The following SLC15A2 variants were observed in gnomAD, a reference collection of about 807,000 sequenced individuals.
The protein encoded by SLC15A2 is kidney H(+)/peptide cotransporter.
In SLC15A2, 77 loss-of-function variants were observed where a neutral mutation model predicts 95.5. The observed-to-expected ratio is 0.81, with a 90% confidence interval of 0.67 to 0.97. The LOEUF is 0.97. Ranked by LOEUF, SLC15A2 falls within the 50% of genes least tolerant of loss-of-function variation. The probability of loss-of-function intolerance (pLI) is 0.00; values close to 1 mark genes in which losing one functional copy is unlikely to be tolerated. For missense variants in SLC15A2, 893 were observed against 874.4 expected (o/e 1.02, Z -0.27); for synonymous variants, 306 against 306.9 (o/e 1.00, Z 0.03).
chr3:121,900,966 ATATAT>A (rs1274001594), intron 3 of SLC15A2, among the ~76,000 whole-genome samples: 5 of 149,644 alleles, frequency 3.3e-5, no homozygotes, highest in African/African-American at 9.8e-5. Flanking sequence ...CCAGTCATTT[ATATAT>A]TATATGAATG....
chr3:121,925,409 TG>T (rs1248015419), intron 13 of SLC15A2, among the ~76,000 whole-genome samples: 3 of 152,134 alleles, frequency 2.0e-5, no homozygotes, highest in Non-Finnish European at 2.9e-5. Flanking sequence ...AATCTCCTGT[TG>T]TCCCTACAAA....
At chr3:121,897,807 T>C (rs1315577546) in intron 3 of SLC15A2, among the ~76,000 whole-genome samples, 1 of 152,228 alleles carries the variant, frequency 6.6e-6, no homozygotes, top group Non-Finnish European at 1.5e-5. Context: ...TTCCATTCCA[T>C]AGTTTAATAT....
intron 13 of SLC15A2, 181 bp from the exon 14 acceptor site, chr3:121,927,577 T>A (rs1710146086): frequency 7.6e-6 from 4 of 529,302 alleles, no homozygotes; most frequent in Non-Finnish European, 1.4e-5. Context: ...GTGCTTCCTG[T>A]AAAGCTACAG....
intron 19 of SLC15A2, among the ~76,000 whole-genome samples, chr3:121,938,486 G>A (rs371266781): frequency 1.6e-4 from 25 of 152,282 alleles, no homozygotes; most frequent in African/African-American, 4.6e-4. Flanking sequence ...TTTTAAGCCC[G>A]TCGGAAAAGC....
rs565215736 is a variant in SLC15A2 at position 121,918,689 on chromosome 3, T to C, written c.697+2996T>C. 9.2e-5 allele frequency among the ~76,000 whole-genome samples: 14 copies of C among 152,294 alleles called. No homozygotes were observed. In the South Asian group the frequency reaches 2.9e-3, roughly 32 times the overall value. On this transcript the variant is annotated intron_variant, in intron 7 of 21. Transcript: ENST00000489711. ...AATGGCCAAAGTGGTAATAGCGTTA[T>C]CTTGGATATGAAGAAGATTTCAAGA...
intron 3 of SLC15A2, among the ~76,000 whole-genome samples, chr3:121,898,925 T>C (rs1709472201): frequency 6.6e-6 from 1 of 152,166 alleles, no homozygotes; most frequent in Non-Finnish European, 1.5e-5. Flanking sequence ...TACTGAACAG[T>C]TTCTTGACTT....
chr3:121,919,488 G>A (rs1040738143), intron 7 of SLC15A2, among the ~76,000 whole-genome samples: 1 of 152,286 alleles, frequency 6.6e-6, no homozygotes, highest in African/African-American at 2.4e-5. Flanking sequence ...TTGAATGGGG[G>A]AGTACATGCT....
At chr3:121,902,083 G>A (rs1425690405) in intron 3 of SLC15A2, among the ~76,000 whole-genome samples, 1 of 152,194 alleles carries the variant, frequency 6.6e-6, no homozygotes, top group East Asian at 1.9e-4. Context: ...CCCTATGCCA[G>A]GAAAGAAGTG....
chr3:121,903,354 A>G (rs923100610), intron 3 of SLC15A2, among the ~76,000 whole-genome samples: 8 of 152,174 alleles, frequency 5.3e-5, no homozygotes, highest in Non-Finnish European at 1.2e-4. Flanking sequence ...CTTTAATTTA[A>G]TTAGATCCCA....
intron 12 of SLC15A2, 64 bp from the exon 13 acceptor site, chr3:121,924,881 T>G: frequency 8.8e-7 from 1 of 1,131,374 alleles, no homozygotes; most frequent in Non-Finnish European, 1.4e-6. Flanking sequence ...AGCAAATGAG[T>G]GCAGTGCTCA....
chr3:121,924,165 C>A (rs191258897), intron 11 of SLC15A2, among the ~76,000 whole-genome samples, 186 bp from the exon 12 acceptor site: 13 of 152,294 alleles, frequency 8.5e-5, no homozygotes. Flanking sequence ...TAGCCAGAAG[C>A]TTTCCCAAGT....
Position 121,928,559 on chromosome 3 carries a change from A to C in SLC15A2, c.1341+4A>C. 1 of 1,613,616 alleles carries C rather than the reference A, an allele frequency of 6.2e-7. No individual in the cohort carries two copies. Among genetic ancestry groups the C allele is most frequent in the Non-Finnish European group, 8.5e-7 (1 of 1,179,678 alleles). ...AGAGTCCATCAAATCCTTTCAGGTG[A>C]GGTGTGTACCTGAATGAATTAGAAA... is the stretch of plus-strand genomic sequence containing the variant. On this transcript the variant is annotated splice_donor_region_variant and intron_variant, in intron 15 of 21. Transcript: ENST00000489711.
chr3:121,936,663 C>A (rs1253960084), intron 19 of SLC15A2, among the ~76,000 whole-genome samples: 1 of 151,376 alleles, frequency 6.6e-6, no homozygotes, highest in Non-Finnish European at 1.5e-5. Context: ...TGTGTCTCTG[C>A]ACGTGAGATG....
intron 17 of SLC15A2, among the ~76,000 whole-genome samples, chr3:121,930,085 A>G (rs971803799): frequency 3.9e-5 from 6 of 152,276 alleles, no homozygotes; most frequent in Non-Finnish European, 5.9e-5. Context: ...GTGAGGTCAG[A>G]GAGCCATGGG....
rs915610844 is a variant in SLC15A2 at position 121,907,780 on chromosome 3, T to C, written c.336-3794T>C. ...AGAGGGACACCCGCCTGTAATGAAG[T>C]GTCAGTTGGTCCCCACTGAGAGGTG... On this transcript the variant is annotated intron_variant, in intron 3 of 21. Coordinates refer to ENST00000489711, the MANE Select transcript of SLC15A2 (RefSeq NM_021082.4). Among the ~76,000 whole-genome samples, 4 of 152,168 alleles carry C rather than the reference T, an allele frequency of 2.6e-5. No homozygotes were observed. The East Asian group carries it at 7.7e-4, about 29-fold the overall frequency.
Position 121,913,070 on chromosome 3 carries a change from A to C in SLC15A2, c.478A>C (p.Ile160Leu). 1 of 1,614,008 alleles carries C rather than the reference A, an allele frequency of 6.2e-7. No individual in the cohort carries two copies. Among genetic ancestry groups the C allele is most frequent in the Non-Finnish European group, 8.5e-7 (1 of 1,179,910 alleles). The stretch of plus-strand genomic sequence containing the variant: ...TCTAATAGCTTTGGGGACAGGAGGC[A>C]TCAAACCCTGTGTGGCAGCTTTTGG... ...LSLIALGTGG[I>L]KPCVAAFGGD... is the part of the protein sequence containing the mutation. Residue 160 changes from isoleucine (I) to leucine (L), a missense_variant, in exon 5 of 22, where the codon ATC becomes CTC. Ile to Leu is a conservative substitution (Grantham distance 5). Coordinates refer to ENST00000489711, the MANE Select transcript of SLC15A2 (RefSeq NM_021082.4).
intron 5 of SLC15A2, 115 bp from the exon 6 acceptor site, chr3:121,915,112 G>C: frequency 3.7e-6 from 4 of 1,089,402 alleles, no homozygotes; most frequent in Non-Finnish European, 5.2e-6. Context: ...CAGGTATTGT[G>C]GAGGCAATAT....
Position 121,942,922 on chromosome 3 carries a change from C to G in SLC15A2, c.*1915C>G, listed in dbSNP as rs1015287199. Reference sequence around the variant, plus strand: ...CTTCCTTGTAAGTGCTGAGCTTCCTCTCTGAAACCTCCTACCATTGTTTTT... The same window carrying G: ...CTTCCTTGTAAGTGCTGAGCTTCCTGTCTGAAACCTCCTACCATTGTTTTT... On this transcript the variant is annotated 3_prime_UTR_variant, in exon 22 of 22. Coordinates refer to ENST00000489711, the MANE Select transcript of SLC15A2 (RefSeq NM_021082.4). 6.6e-6 allele frequency: 1 copy of G among 152,246 alleles called. No individual in the cohort carries two copies. Among genetic ancestry groups the G allele is most frequent in the Admixed American group, 6.5e-5 (1 of 15,282 alleles). The allele number at this position is 152,246 out of a possible 1,614,324, so 9.4% of individuals were successfully genotyped here.
chr3:121,931,778 A>G (rs766302168), intron 19 of SLC15A2, 43 bp downstream of exon 19: 2 of 1,157,162 alleles, frequency 1.7e-6, no homozygotes, highest in East Asian at 2.3e-5. Flanking sequence ...CTCCATATAC[A>G]TATATCTCCT....
Sources: gnomAD v4.1 joint callset for allele counts (sites outside exome capture counted in the v4.1 genomes callset) on GRCh38, gnomAD v4.1.1 for gene constraint, MANE v1.5 for transcripts, NCBI Gene and HGNC (gene_info 2026-07-23, HGNC 2026-07-21) for gene names.